ENOX1: variants seen among roughly 807,000 people sequenced by gnomAD.
The protein encoded by ENOX1 is candidate growth-related and time keeping constitutive hydroquinone (NADH) oxidase.
In ENOX1, 42 loss-of-function variants were observed where a neutral mutation model predicts 82.5. The observed-to-expected ratio is 0.51, with a 90% CI of 0.40 to 0.66. The LOEUF is 0.66. ENOX1 is among the 30% of genes least tolerant of loss of function. ENOX1 has a pLI of 0.00. For missense variants in ENOX1, 608 were observed against 811.6 expected, an observed-to-expected ratio of 0.75 and a Z score of 3.05; for synonymous variants, 271 against 282.2, an observed-to-expected ratio of 0.96 and a Z score of 0.40.
intron 1 of ENOX1, among the ~76,000 whole-genome samples, chr13:43,739,285 C>T (rs1047833948): frequency 6.6e-6 from 1 of 152,116 alleles, no homozygotes; most frequent in Non-Finnish European, 1.5e-5. Flanking sequence ...TGGTGGCTCA[C>T]ACCTGTAATC....
At chr13:43,675,072 G>A (rs9533578) in intron 1 of ENOX1, among the ~76,000 whole-genome samples, 12,355 of 152,164 alleles carry the variant, frequency 0.081, 725 homozygotes, top group African/African-American at 0.17. Context: ...GCACCAAGAA[G>A]CCACTGAATA....
chr13:43,326,374 C>T lies in ENOX1; in HGVS notation c.1143+45G>A, dbSNP rs567762905. ...TGCAGCCATGCTATTCTCTGCCAAT[C>T]CAGCTGTGTGATGGTGGTTAAAAAG... is the stretch of plus-strand genomic sequence containing the variant. On this transcript the variant is annotated intron_variant, in intron 10 of 16. Coordinates refer to ENST00000690772, the MANE Select transcript of ENOX1 (RefSeq NM_001347969.2). The T allele has an allele frequency of 1.3e-5, 20 of 1,539,106 alleles. No homozygotes were observed. In the East Asian group the frequency reaches 4.0e-4, roughly 31 times the overall value.
chr13:43,577,088 G>C (rs942761686), intron 2 of ENOX1, among the ~76,000 whole-genome samples: 30 of 152,008 alleles, frequency 2.0e-4, no homozygotes, highest in African/African-American at 7.3e-4. Context: ...AGTAGTAACT[G>C]CTTAATGGGT....
chr13:43,509,652 C>T (rs2077293791), intron 2 of ENOX1, among the ~76,000 whole-genome samples: 3 of 151,966 alleles, frequency 2.0e-5, no homozygotes, highest in Admixed American at 2.0e-4. Context: ...AGACAAATGT[C>T]CAAATAAGAA....
At chr13:43,611,499 A>T (rs181908315) in intron 2 of ENOX1, among the ~76,000 whole-genome samples, 207 of 152,314 alleles carry the variant, frequency 1.4e-3, no homozygotes, top group African/African-American at 4.8e-3. Context: ...GGCTACTTAG[A>T]TGATGATGAA....
intron 1 of ENOX1, among the ~76,000 whole-genome samples, chr13:43,778,492 A>G (rs1196802092): frequency 6.6e-6 from 1 of 152,154 alleles, no homozygotes; most frequent in African/African-American, 2.4e-5. Flanking sequence ...AACAACAGAT[A>G]CAAATGCACA....
At chr13:43,419,518 C>A (rs2153605669) in intron 3 of ENOX1, among the ~76,000 whole-genome samples, 2 of 152,196 alleles carry the variant, frequency 1.3e-5, no homozygotes, top group Middle Eastern at 6.8e-3. Context: ...TGTGCCACTG[C>A]ACTCTAGCCT....
intron 3 of ENOX1, among the ~76,000 whole-genome samples, chr13:43,440,189 A>G (rs892119799): frequency 6.6e-6 from 1 of 152,172 alleles, no homozygotes; most frequent in African/African-American, 2.4e-5. Flanking sequence ...AGAAGCCTGA[A>G]CCTTGAAGTC....
intron 1 of ENOX1, among the ~76,000 whole-genome samples, chr13:43,697,033 T>C (rs1188956644): frequency 1.3e-5 from 2 of 152,058 alleles, no homozygotes; most frequent in Non-Finnish European, 2.9e-5. Context: ...ACATTGAATA[T>C]GAAAGGTGAT....
intron 8 of ENOX1, among the ~76,000 whole-genome samples, chr13:43,354,264 G>A (rs1053117505): frequency 1.3e-5 from 2 of 152,138 alleles, no homozygotes; most frequent in Non-Finnish European, 2.9e-5. Context: ...CACTGCATAT[G>A]CCCTTTATTA....
At chr13:43,727,814 A>G (rs1416177510) in intron 1 of ENOX1, among the ~76,000 whole-genome samples, 1 of 152,214 alleles carries the variant, frequency 6.6e-6, no homozygotes, top group African/African-American at 2.4e-5. Context: ...ATTGCCATTA[A>G]CATTATGCAT....
chr13:43,283,507 T>A (rs1045769520), intron 12 of ENOX1, among the ~76,000 whole-genome samples: 8 of 152,076 alleles, frequency 5.3e-5, no homozygotes, highest in African/African-American at 1.9e-4. Flanking sequence ...TACAGCGGTG[T>A]AATCATGGCT....
intron 2 of ENOX1, among the ~76,000 whole-genome samples, chr13:43,552,150 T>C (rs930795731): frequency 4.6e-5 from 7 of 151,942 alleles, no homozygotes; most frequent in African/African-American, 1.7e-4. Flanking sequence ...TGCTTGAAAA[T>C]AAAACACCGA....
intron 16 of ENOX1, among the ~76,000 whole-genome samples, chr13:43,222,340 C>G (rs551152052): frequency 4.6e-5 from 7 of 151,384 alleles, no homozygotes; most frequent in African/African-American, 1.5e-4. Context: ...CAAATCAATT[C>G]ATTACTTATC....
chr13:43,481,080 A>C (rs2058489574), intron 3 of ENOX1, among the ~76,000 whole-genome samples: 1 of 152,238 alleles, frequency 6.6e-6, no homozygotes, highest in African/African-American at 2.4e-5. Context: ...TAAGTGCAAA[A>C]ATTCTCAACA....
At chr13:43,220,009 G>T (rs997044690) in intron 16 of ENOX1, among the ~76,000 whole-genome samples, 2 of 152,124 alleles carry the variant, frequency 1.3e-5, no homozygotes, top group African/African-American at 4.8e-5. Flanking sequence ...CACAGTGTTA[G>T]CACACACAGA....
At position 43,296,140 on chromosome 13, in the gene ENOX1, G is replaced by T. The variant is rs191898887; in HGVS notation, c.1446+2206C>A. ...GTCTACTACGTGTCTGTTATGGATT[G>T]AATTGTGCCCTGCCCCCCAGCCCCA... is the stretch of plus-strand genomic sequence containing the variant. On this transcript the variant is annotated intron_variant, in intron 12 of 16. Transcript: ENST00000690772. Among the ~76,000 whole-genome samples the T allele has an allele frequency of 2.7e-3, 406 of 152,302 alleles. 2 individuals are homozygous for T. The highest frequency in any genetic ancestry group is 4.2e-3 in the Non-Finnish European group (287 of 68,032).
At chr13:43,256,376 A>G (rs1465612629) in intron 14 of ENOX1, among the ~76,000 whole-genome samples, 2 of 152,210 alleles carry the variant, frequency 1.3e-5, no homozygotes, top group African/African-American at 4.8e-5. Flanking sequence ...AACCTACAGA[A>G]TGGGAGAAAA....
chr13:43,540,223 G>A (rs903469054), intron 2 of ENOX1, among the ~76,000 whole-genome samples: 1 of 152,072 alleles, frequency 6.6e-6, no homozygotes, highest in Non-Finnish European at 1.5e-5. Context: ...TATCAGATCT[G>A]GTTCAGAAAA....
Sources: allele counts gnomAD v4.1 joint callset (sites outside exome capture counted in the v4.1 genomes callset), GRCh38; gene constraint gnomAD v4.1.1; transcripts MANE v1.5; gene names NCBI Gene and HGNC (gene_info 2026-07-23, HGNC 2026-07-21).